Variants in OVCH1 observed in about 807,000 individuals in gnomAD.
The protein encoded by OVCH1 is ovochymase 1.
A neutral mutation model predicts 138.4 loss-of-function variants in OVCH1; 139 were observed. The ratio of observed to expected loss-of-function variants is 1.00; its 90% CI spans 0.87 to 1.16. OVCH1 has a LOEUF of 1.16. Ranked by LOEUF, OVCH1 falls within the 50% of genes most tolerant of loss-of-function variation. The pLI is 0.00. For synonymous variants in OVCH1, 453 were observed against 467.8 expected, an observed-to-expected ratio of 0.97 and a Z score of 0.41; for missense variants, 1,367 against 1,357.9, an observed-to-expected ratio of 1.01 and a Z score of -0.11.
intron 12 of OVCH1, 72 bp downstream of exon 12, chr12:29,477,030 A>G: frequency 7.0e-7 from 1 of 1,424,064 alleles, no homozygotes. Flanking sequence ...TTAACAATCC[A>G]GATGAATTAA....
At chr12:29,460,255 C>G (rs1332801795) in intron 19 of OVCH1, among the ~76,000 whole-genome samples, 1 of 152,124 alleles carries the variant, frequency 6.6e-6, no homozygotes. Flanking sequence ...ATAAGCTCAC[C>G]TTGTAATGTT....
chr12:29,487,826 A>G, exon 7 of OVCH1: 1 of 1,610,742 alleles, frequency 6.2e-7, no homozygotes, highest in Non-Finnish European at 8.5e-7. Context: ...AAGTTATCCC[A>G]GCAAGAATCC....
chr12:29,419,926 T>C (rs886639825), intron 3 of OVCH1, among the ~76,000 whole-genome samples: 1 of 152,160 alleles, frequency 6.6e-6, no homozygotes, highest in Non-Finnish European at 1.5e-5. Flanking sequence ...GATTTACCTA[T>C]TCAAGAGTAA....
downstream of OVCH1, among the ~76,000 whole-genome samples, chr12:29,410,389 A>C (rs1397479244): frequency 6.6e-6 from 1 of 151,242 alleles, no homozygotes; most frequent in Non-Finnish European, 1.5e-5. Context: ...TAGTTGATGC[A>C]GTTTCTTCCT....
chr12:29,473,759 T>C (rs1942597456), intron 14 of OVCH1, among the ~76,000 whole-genome samples: 1 of 152,122 alleles, frequency 6.6e-6, no homozygotes, highest in African/African-American at 2.4e-5. Context: ...GGTGTGTCTG[T>C]GTGGGTGTTG....
intron 6 of OVCH1, among the ~76,000 whole-genome samples, chr12:29,488,161 C>T (rs2136077329): frequency 6.6e-6 from 1 of 151,864 alleles, no homozygotes; most frequent in East Asian, 1.9e-4. Flanking sequence ...TTTTAAACTA[C>T]CATGTACATT....
chr12:29,412,337 C>T (rs1940971155), downstream of OVCH1: 2 of 153,304 alleles, frequency 1.3e-5, no homozygotes, highest in East Asian at 1.9e-4. Context: ...CTGACCCGCG[C>T]CCACTGTCTG....
chr12:29,455,005 G>T, intron 20 of OVCH1, 72 bp from the exon 21 acceptor site: 1 of 1,307,748 alleles, frequency 7.6e-7, no homozygotes, highest in Non-Finnish European at 1.1e-6. Flanking sequence ...CACTAAAGCA[G>T]CCACTATCAA....
At chr12:29,407,981 C>A (rs549710588), downstream of OVCH1, among the ~76,000 whole-genome samples, 3 of 142,352 alleles carry the variant, frequency 2.1e-5, no homozygotes, top group African/African-American at 7.3e-5. Flanking sequence ...CTTTTATTTC[C>A]TTGAGCAGTG....
chr12:29,427,124 C>T (rs895101814), downstream of OVCH1, among the ~76,000 whole-genome samples: 4 of 152,172 alleles, frequency 2.6e-5, no homozygotes, highest in African/African-American at 9.7e-5. Flanking sequence ...GAGAAAGCCT[C>T]TCTGCTCCAC....
chr12:29,474,959 A>C, intron 14 of OVCH1, 102 bp downstream of exon 14: 1 of 1,288,656 alleles, frequency 7.8e-7, no homozygotes, highest in Non-Finnish European at 1.0e-6. Flanking sequence ...TATGCTTACC[A>C]AGGGGATTGC....
chr12:29,439,552 G>C (rs1014618399), intron 25 of OVCH1: 11 of 1,249,466 alleles, frequency 8.8e-6, no homozygotes, highest in Non-Finnish European at 1.0e-5. Flanking sequence ...TACAACTACT[G>C]CTACTCTCGG....
the OVCH1 span, among the ~76,000 whole-genome samples, chr12:29,402,789 G>A: frequency 6.6e-6 from 1 of 151,982 alleles, no homozygotes; most frequent in Non-Finnish European, 1.5e-5. Context: ...ATGGGGTTAG[G>A]GAGGGGGAAT....
At chr12:29,410,720 C>T (rs1440303069), downstream of OVCH1, among the ~76,000 whole-genome samples, 1 of 151,814 alleles carries the variant, frequency 6.6e-6, no homozygotes. Context: ...GTAACCCGAC[C>T]TTTCTCTCTG....
intron 16 of OVCH1, 68 bp from the exon 17 acceptor site, chr12:29,465,287 T>C: frequency 2.3e-6 from 3 of 1,292,718 alleles, no homozygotes; most frequent in Non-Finnish European, 3.2e-6. Context: ...CTCACACTGC[T>C]ATAAAGGACT....
At chr12:29,462,964 G>T (rs758051055) in intron 18 of OVCH1, among the ~76,000 whole-genome samples, 36 of 152,160 alleles carry the variant, frequency 2.4e-4, no homozygotes, top group Non-Finnish European at 4.7e-4. Context: ...CTCCTAGCTG[G>T]AAAGAATGAA....
intron 22 of OVCH1, 88 bp downstream of exon 22, chr12:29,451,257 T>C: frequency 9.7e-7 from 1 of 1,030,582 alleles, no homozygotes; most frequent in South Asian, 1.6e-5. Flanking sequence ...TTGGTAACAT[T>C]ATTACCAAGT....
chr12:29,495,441 T>C lies in OVCH1; in HGVS notation c.298A>G (p.Ile100Val), dbSNP rs778091668. Residue 100 changes from isoleucine (I) to valine (V), a missense_variant, in exon 4 of 28, where the codon ATA (isoleucine) becomes GTA (valine). Ile to Val is a conservative substitution (Grantham distance 29, BLOSUM62 3). Transcript: ENST00000318184. Reference sequence around the variant, plus strand: ...CTGTACTCCCCAGAAGTCACAGTTATATTCTTCAGCTGCTTCCTAAAACCA... The same window carrying C: ...CTGTACTCCCCAGAAGTCACAGTTACATTCTTCAGCTGCTTCCTAAAACCA... 9 of 1,612,932 alleles carry C rather than the reference T, an allele frequency of 5.6e-6. No homozygotes were observed. In the Admixed American group the frequency reaches 1.0e-4, roughly 18 times the overall value.
intron 27 of OVCH1, chr12:29,431,053 A>G (rs762656900): frequency 6.4e-5 from 21 of 329,046 alleles, no homozygotes; most frequent in Non-Finnish European, 1.0e-4. Context: ...ACCCAATTAA[A>G]CTTTTATAAC....
Sources: gnomAD v4.1 joint callset for allele counts (sites outside exome capture counted in the v4.1 genomes callset) on GRCh38, gnomAD v4.1.1 for gene constraint, MANE v1.5 for transcripts, NCBI Gene and HGNC (gene_info 2026-07-23, HGNC 2026-07-21) for gene names.